EPS8: variants seen among roughly 807,000 people sequenced by gnomAD.
The protein encoded by EPS8 is epidermal growth factor receptor kinase substrate 8.
A neutral mutation model predicts 103.8 loss-of-function variants in EPS8; 42 were observed. That is an observed-to-expected ratio of 0.40 (90% CI 0.32 to 0.52). EPS8 has a LOEUF of 0.52. Ranked by LOEUF, EPS8 falls within the 20% of genes least tolerant of loss-of-function variation. The pLI, the probability that EPS8 is intolerant of heterozygous loss-of-function variation, is 0.40. For missense variants in EPS8, 969 were observed against 1,005.1 expected, an observed-to-expected ratio of 0.96 and a Z score of 0.49; for synonymous variants, 344 against 344.6, an observed-to-expected ratio of 1.00 and a Z score of 0.02.
chr12:15,744,415 A>T (rs1342347817), intron 1 of EPS8, among the ~76,000 whole-genome samples: 2 of 152,224 alleles, frequency 1.3e-5, no homozygotes, highest in Admixed American at 6.5e-5. Flanking sequence ...GTATACAAGG[A>T]TGAACTATAG....
rs1446534151 is a variant in EPS8 at position 15,706,711 on chromosome 12, A to G, written c.-21-23739T>C. ...TATTACATTTTTAATATGAGACTAG[A>G]ATTTTCTGTTCTTTATATTTTATGT... On this transcript the variant is annotated intron_variant, in intron 1 of 20. Transcript: ENST00000281172. The surrounding 1 kb of genome is among the most constrained non-coding windows in gnomAD (Gnocchi z 5.2). Among the ~76,000 whole-genome samples the G allele has an allele frequency of 1.3e-5, 2 of 152,130 alleles. No homozygotes were observed. Among genetic ancestry groups the G allele is most frequent in the Non-Finnish European group, 2.9e-5 (2 of 68,020 alleles).
At position 15,775,517 on chromosome 12, in the gene EPS8, A is replaced by T. The variant is rs1471009061; in HGVS notation, c.-22+13644T>A. Among the ~76,000 whole-genome samples, 8 of 152,206 alleles carry T rather than the reference A, an allele frequency of 5.3e-5. No individual in the cohort carries two copies. The East Asian group carries it at 1.5e-3, about 29-fold the overall frequency. Reference sequence around the variant, plus strand: ...TAGACTTATTTTATAAATCCACAGTACCAGTATATGTAGAAAAACAATACA... The same window carrying T: ...TAGACTTATTTTATAAATCCACAGTTCCAGTATATGTAGAAAAACAATACA... On this transcript the variant is annotated intron_variant, in intron 1 of 20. Coordinates refer to ENST00000281172, the MANE Select transcript of EPS8 (RefSeq NM_004447.6).
chr12:15,709,784 G>T (rs556141005), intron 1 of EPS8, among the ~76,000 whole-genome samples: 25 of 152,212 alleles, frequency 1.6e-4, no homozygotes, highest in Admixed American at 3.9e-4. Context: ...AGCCTTTTTG[G>T]CACCAGGGAC....
chr12:15,645,342 C>T (rs1945302388), intron 15 of EPS8, among the ~76,000 whole-genome samples: 1 of 152,000 alleles, frequency 6.6e-6, no homozygotes, highest in Non-Finnish European at 1.5e-5. Context: ...TTTGTTCTGA[C>T]AGCCAAAAAT....
rs1469149232 is a variant in EPS8, at chr12:15,733,430, G to C, written c.-21-50458C>G. 6.6e-6 allele frequency among the ~76,000 whole-genome samples: 1 copy of C among 152,158 alleles called. No individual in the cohort carries two copies. The highest frequency in any genetic ancestry group is 1.5e-5 in the Non-Finnish European group (1 of 68,040). On this transcript the variant is annotated intron_variant, in intron 1 of 20. Transcript: ENST00000281172. The surrounding 1 kb of genome is among the most constrained non-coding windows in gnomAD (Gnocchi z 4.8). ...CACCAGCTCCCTCCCTCAACACATG[G>C]GGATTCTGGGGATTATAATTTGAGA... is the stretch of plus-strand genomic sequence containing the variant.
chr12:15,746,131 C>G (rs745957316), intron 1 of EPS8, among the ~76,000 whole-genome samples: 4 of 152,108 alleles, frequency 2.6e-5, no homozygotes, highest in African/African-American at 4.8e-5. Context: ...AGTGATGCAT[C>G]TAATAGAGAA....
intron 1 of EPS8, among the ~76,000 whole-genome samples, chr12:15,722,024 C>A (rs1946601936): frequency 6.7e-6 from 1 of 150,066 alleles, no homozygotes; most frequent in Non-Finnish European, 1.5e-5. Flanking sequence ...AATCTTTTAA[C>A]TCAAAGTATC....
chr12:15,757,724 C>T lies in EPS8; in HGVS notation c.-22+31437G>A, dbSNP rs958836572. Among the ~76,000 whole-genome samples the T allele has an allele frequency of 1.3e-5, 2 of 152,180 alleles. No individual in the cohort carries two copies. Among genetic ancestry groups the T allele is most frequent in the Admixed American group, 6.5e-5 (1 of 15,278 alleles). ...TAACAAGTCACACTGACATTACATG[C>T]CCCCTAATGTGATGCAACAGGAAAT... On this transcript the variant is annotated intron_variant, in intron 1 of 20. Coordinates refer to ENST00000281172, the MANE Select transcript of EPS8 (RefSeq NM_004447.6). The surrounding 1 kb of genome is among the most constrained non-coding windows in gnomAD (Gnocchi z 4.1).
chr12:15,712,939 A>T (rs1946486158), intron 1 of EPS8: 3 of 984,760 alleles, frequency 3.0e-6, no homozygotes, highest in South Asian at 9.4e-5. Flanking sequence ...GTGCCAAGTG[A>T]CCTTTGGCAC....
chr12:15,699,595 T>C (rs1722421521), intron 1 of EPS8, among the ~76,000 whole-genome samples: 1 of 152,166 alleles, frequency 6.6e-6, no homozygotes, highest in Non-Finnish European at 1.5e-5. Context: ...TATATGACAA[T>C]TAAACAATGT....
At chr12:15,667,841 G>A (rs80008546) in intron 6 of EPS8, among the ~76,000 whole-genome samples, 3,394 of 152,074 alleles carry the variant, frequency 0.022, 115 homozygotes, top group African/African-American at 0.075. Context: ...GAGCTTTTGG[G>A]GTTAGGACAA....
At position 15,777,278 on chromosome 12, in the gene EPS8, A is replaced by AAC. The variant is rs1327386942; in HGVS notation, c.-22+11881_-22+11882dup. 3.7e-4 allele frequency among the ~76,000 whole-genome samples: 56 copies of AAC among 151,684 alleles called. No homozygotes were observed. Among genetic ancestry groups the AAC allele is most frequent in the Admixed American group, 1.2e-3 (19 of 15,208 alleles). ...GTACTTACAAAGCAGAATGAAAAAA[A>AAC]ACACACACACACACACAAAACAAAA... On this transcript the variant is annotated intron_variant, in intron 1 of 20. Transcript: ENST00000281172. This position sits in a 1 kb window ranked among gnomAD's most constrained non-coding sequence, Gnocchi z 4.7.
chr12:15,742,215 T>C lies in EPS8; in HGVS notation c.-22+46946A>G, dbSNP rs557400310. Among the ~76,000 whole-genome samples the C allele has an allele frequency of 2.0e-5, 3 of 152,346 alleles. No individual in the cohort carries two copies. The South Asian group carries it at 6.2e-4, about 32-fold the overall frequency. ...TTATAGCAGCATGATTTATAATCCT[T>C]TGGGTACATACCCAGTAATGGGATG... On this transcript the variant is annotated intron_variant, in intron 1 of 20. Transcript: ENST00000281172.
chr12:15,720,658 T>C (rs1285610260), intron 1 of EPS8, among the ~76,000 whole-genome samples: 1 of 152,180 alleles, frequency 6.6e-6, no homozygotes, highest in Non-Finnish European at 1.5e-5. Context: ...AATGCAGTCA[T>C]AGTAAAATCA....
At position 15,715,394 on chromosome 12, in the gene EPS8, C is replaced by CTTTTTTTTTTTTTT. The variant is rs3086457; in HGVS notation, c.-21-32436_-21-32423dup. Among the ~76,000 whole-genome samples the CTTTTTTTTTTTTTT allele has an allele frequency of 2.4e-5, 3 of 127,186 alleles. 1 individual carries two copies. Among genetic ancestry groups the CTTTTTTTTTTTTTT allele is most frequent in the Non-Finnish European group, 4.7e-5 (3 of 63,254 alleles). The allele number at this position is 127,186 out of a possible 152,430, so 83.4% of individuals were successfully genotyped here. A position where few individuals can be genotyped will look rare whatever the true frequency, so the allele number is the denominator to read the frequency against. ...TTTCTTTTTTTTTTTCTTTACTTTT[C>CTTTTTTTTTTTTTT]TTTTTTTTTTTTTTTTGAGATGGAG... On this transcript the variant is annotated intron_variant, in intron 1 of 20. Transcript: ENST00000281172.
At chr12:15,639,659 C>A (rs1386733922) in intron 17 of EPS8, among the ~76,000 whole-genome samples, 4 of 152,108 alleles carry the variant, frequency 2.6e-5, no homozygotes, top group Non-Finnish European at 5.9e-5. Context: ...TGGATAAGCA[C>A]AGGACTGACA....
In EPS8 at chr12:15,769,405, G is replaced by C. The variant is rs1009695070; in HGVS notation, c.-22+19756C>G. Among the ~76,000 whole-genome samples, 2 of 152,000 alleles carry C rather than the reference G, an allele frequency of 1.3e-5. No homozygotes were observed. Among genetic ancestry groups the C allele is most frequent in the Non-Finnish European group, 1.5e-5 (1 of 68,002 alleles). On this transcript the variant is annotated intron_variant, in intron 1 of 20. Transcript: ENST00000281172. The surrounding 1 kb of genome is among the most constrained non-coding windows in gnomAD (Gnocchi z 4.6). ...GAATAAGAAAAAATAAATGAAAAAT[G>C]CATTTTCAAGGATATATTAAAGAAA...
At chr12:15,647,390 A>C (rs1042777159) in intron 14 of EPS8, 130 bp from the exon 15 acceptor site, 2 of 746,842 alleles carry the variant, frequency 2.7e-6, no homozygotes, top group Non-Finnish European at 4.1e-6. Context: ...CATTATGTTA[A>C]CACATTATCA....
rs2136016191 is a variant in EPS8, at chr12:15,749,215, C to T, written c.-22+39946G>A. On this transcript the variant is annotated intron_variant, in intron 1 of 20. Transcript: ENST00000281172. The surrounding 1 kb of genome is among the most constrained non-coding windows in gnomAD (Gnocchi z 4.0). ...ACAAGTAATTAAAAAAAAATTTATT[C>T]TGGTTTCCAACACTGTCCAATAGGT... is the stretch of plus-strand genomic sequence containing the variant. 6.6e-6 allele frequency among the ~76,000 whole-genome samples: 1 copy of T among 152,216 alleles called. No individual in the cohort carries two copies. The highest frequency in any genetic ancestry group is 2.1e-4 in the South Asian group (1 of 4,818).
Sources: allele counts gnomAD v4.1 joint callset (sites outside exome capture counted in the v4.1 genomes callset), GRCh38; gene constraint gnomAD v4.1.1; non-coding constraint Gnocchi (gnomAD v3.1); transcripts MANE v1.5; gene names NCBI Gene and HGNC (gene_info 2026-07-23, HGNC 2026-07-21).